Variants in FGGY observed in about 807,000 individuals in gnomAD.
FGGY encodes the protein FGGY carbohydrate kinase domain-containing protein.
In FGGY, 72 loss-of-function variants were observed where a neutral mutation model predicts 71.3. The observed-to-expected ratio is 1.01, with a 90% confidence interval of 0.84 to 1.23. The LOEUF is 1.23. Among genes scored for constraint, FGGY ranks in the 50% most tolerant of loss-of-function variants. The probability of loss-of-function intolerance (pLI) is 0.00; values close to 1 mark genes in which losing one functional copy is unlikely to be tolerated. For missense variants in FGGY, 668 were observed against 682.3 expected (o/e 0.98, Z 0.23); for synonymous variants, 251 against 250.3 (o/e 1.00, Z -0.02).
At chr1:59,450,521 A>G (rs992430614) in intron 5 of FGGY, among the ~76,000 whole-genome samples, 1 of 152,106 alleles carries the variant, frequency 6.6e-6, no homozygotes, top group African/African-American at 2.4e-5. Flanking sequence ...CCCTCCTCCT[A>G]TATGAGTATA....
intron 14 of FGGY, among the ~76,000 whole-genome samples, chr1:59,678,797 G>A (rs1023394982): frequency 6.6e-5 from 10 of 152,140 alleles, no homozygotes; most frequent in African/African-American, 2.2e-4. Flanking sequence ...AGCATCTGAA[G>A]CAAAAATCAG....
At chr1:59,663,504 G>A (rs6690129) in intron 12 of FGGY, among the ~76,000 whole-genome samples, 5,968 of 152,150 alleles carry the variant, frequency 0.039, 251 homozygotes, top group African/African-American at 0.11. Flanking sequence ...AACTTAATGC[G>A]GGCAGGAGAG....
At chr1:59,626,334 G>A (rs1300291324) in intron 10 of FGGY, 1 of 323,210 alleles carries the variant, frequency 3.1e-6, no homozygotes, top group Non-Finnish European at 5.7e-6. Context: ...AAACTTCTTA[G>A]TTTCACATCC....
At chr1:59,553,877 T>C in intron 7 of FGGY, 1 of 361,654 alleles carries the variant, frequency 2.8e-6, no homozygotes. Flanking sequence ...TCACAATTAC[T>C]GCCATTATTA....
chr1:59,446,530 A>G (rs1215854430), intron 5 of FGGY, among the ~76,000 whole-genome samples: 2 of 152,196 alleles, frequency 1.3e-5, no homozygotes, highest in African/African-American at 4.8e-5. Context: ...CGATTGGTGC[A>G]GTGGTATTTC....
chr1:59,423,817 CCTT>C (rs1434235489), intron 5 of FGGY, among the ~76,000 whole-genome samples: 2 of 152,168 alleles, frequency 1.3e-5, no homozygotes, highest in Non-Finnish European at 2.9e-5. Context: ...GAGTTTCGTT[CCTT>C]CTTTGACCTG....
At chr1:59,601,952 A>G (rs577145982) in intron 8 of FGGY, among the ~76,000 whole-genome samples, 38 of 152,344 alleles carry the variant, frequency 2.5e-4, no homozygotes, top group African/African-American at 8.7e-4. Flanking sequence ...AACAGAGCAA[A>G]GTAAGTACTT....
In FGGY at chr1:59,539,736, G is replaced by T. The variant is rs573880457; in HGVS notation, c.800-14388G>T. ...AATGTAAGTACAACCATAAAGAAAA[G>T]GATTGGTAAATAAGACTATGTTAAA... On this transcript the variant is annotated intron_variant, in intron 7 of 15. Transcript: ENST00000303721. Among the ~76,000 whole-genome samples, 97 of 152,210 alleles carry T rather than the reference G, an allele frequency of 6.4e-4. 3 individuals carry two copies. In the South Asian group the frequency reaches 0.02, roughly 31 times the overall value.
chr1:59,569,811 TGAGA>T (rs1446642093), intron 8 of FGGY, among the ~76,000 whole-genome samples: 2 of 152,164 alleles, frequency 1.3e-5, no homozygotes, highest in East Asian at 3.8e-4. Context: ...TTTTTTCAAA[TGAGA>T]CTCAAAGAAA....
At chr1:59,517,791 T>G (rs1454440255) in intron 7 of FGGY, among the ~76,000 whole-genome samples, 1 of 152,248 alleles carries the variant, frequency 6.6e-6, no homozygotes, top group East Asian at 1.9e-4. Flanking sequence ...ACATGCGTAT[T>G]TAGTGAATGA....
chr1:59,486,526 C>T (rs1376197946), intron 6 of FGGY, among the ~76,000 whole-genome samples: 4 of 152,132 alleles, frequency 2.6e-5, no homozygotes, highest in Non-Finnish European at 5.9e-5. Flanking sequence ...AAGTTAGGCT[C>T]TTCCCCCTTC....
At chr1:59,512,790 T>G (rs568948570) in intron 7 of FGGY, among the ~76,000 whole-genome samples, 4 of 152,346 alleles carry the variant, frequency 2.6e-5, no homozygotes, top group Non-Finnish European at 5.9e-5. Flanking sequence ...TCCAAAACCC[T>G]TATAAGTCTC....
At chr1:59,592,460 A>C (rs1026427925) in intron 8 of FGGY, among the ~76,000 whole-genome samples, 10 of 152,194 alleles carry the variant, frequency 6.6e-5, no homozygotes, top group Non-Finnish European at 1.2e-4. Context: ...ACTATAAATC[A>C]TGCTGGTATA....
intron 14 of FGGY, among the ~76,000 whole-genome samples, chr1:59,731,336 T>C (rs2098026091): frequency 6.6e-6 from 1 of 152,134 alleles, no homozygotes; most frequent in Non-Finnish European, 1.5e-5. Flanking sequence ...TTTCCCGGAA[T>C]ACTTCAGGCC....
intron 10 of FGGY, chr1:59,626,990 G>C (rs1262962272): frequency 6.6e-6 from 1 of 151,398 alleles, no homozygotes; most frequent in Non-Finnish European, 1.5e-5. Flanking sequence ...ACTTCTCTGA[G>C]TATACCTTTT....
At chr1:59,644,804 C>T (rs536583191) in intron 11 of FGGY, among the ~76,000 whole-genome samples, 37 of 152,070 alleles carry the variant, frequency 2.4e-4, no homozygotes, top group African/African-American at 7.2e-4. Context: ...GGTGAAACCC[C>T]GTCTCTACTA....
At chr1:59,552,454 G>C (rs940386709) in intron 7 of FGGY, among the ~76,000 whole-genome samples, 1 of 152,190 alleles carries the variant, frequency 6.6e-6, no homozygotes, top group Admixed American at 6.5e-5. Context: ...GAGATTCACA[G>C]GTTGCTGTGC....
At chr1:59,745,147 T>C (rs1369820470) in intron 14 of FGGY, among the ~76,000 whole-genome samples, 1 of 152,182 alleles carries the variant, frequency 6.6e-6, no homozygotes, top group Non-Finnish European at 1.5e-5. Context: ...CTCTGGAAGT[T>C]GGTTTGGAAT....
At chr1:59,380,634 G>T (rs950654667) in intron 5 of FGGY, among the ~76,000 whole-genome samples, 1 of 151,504 alleles carries the variant, frequency 6.6e-6, no homozygotes, top group South Asian at 2.1e-4. Context: ...CCCCCTTTTT[G>T]ATGGGGTTGT....
Sources: allele counts gnomAD v4.1 joint callset (sites outside exome capture counted in the v4.1 genomes callset), GRCh38; gene constraint gnomAD v4.1.1; transcripts MANE v1.5; gene names NCBI Gene and HGNC (gene_info 2026-07-23, HGNC 2026-07-21).